TMEM255A: variants seen among roughly 807,000 people sequenced by gnomAD.
TMEM255A encodes the protein transmembrane protein 255A, also known as family with sequence similarity 70, member A.
TMEM255A carries 14 observed loss-of-function variants against 23.5 expected under a neutral mutation model. The observed-to-expected ratio is 0.60, with a 90% CI of 0.39 to 0.93. The LOEUF (loss-of-function observed/expected upper bound fraction) is 0.93, where lower values mean the gene tolerates loss of function less well. Ranked by LOEUF, TMEM255A falls within the 40% of genes least tolerant of loss-of-function variation. The probability of loss-of-function intolerance (pLI) is 0.00; values close to 1 mark genes in which losing one functional copy is unlikely to be tolerated. For missense variants in TMEM255A, 233 were observed against 261.7 expected, an observed-to-expected ratio of 0.89 and a Z score of 0.76; for synonymous variants, 104 against 100.3, an observed-to-expected ratio of 1.04 and a Z score of -0.22.
intron 1 of TMEM255A, 138 bp from the exon 2 acceptor site, chrX:120,304,629 G>T: frequency 3.3e-6 from 2 of 602,433 alleles, no homozygotes; most frequent in Non-Finnish European, 5.2e-6. Flanking sequence ...CGGGTGGGGG[G>T]TTGTGGGGAA....
chrX:120,298,905 G>GAGAGAC (rs1215969962), intron 2 of TMEM255A, among the ~76,000 whole-genome samples: 1 of 108,480 alleles, frequency 9.2e-6, no homozygotes, highest in Non-Finnish European at 1.9e-5. Flanking sequence ...GAGAGAGAGA[G>GAGAGAC]ATCAGGGAGG....
chrX:120,309,103 G>A (rs1433077497), intron 1 of TMEM255A, among the ~76,000 whole-genome samples: 1 of 112,579 alleles, frequency 8.9e-6, no homozygotes, highest in Non-Finnish European at 1.9e-5. Flanking sequence ...CGCTGATTCA[G>A]GCCCGGACTG....
rs544332772 is a variant in TMEM255A at position 120,279,614 on chromosome X, T to C, written c.513-2567A>G. ...ACACCAAGGGTGGACTAGTAGTATA[T>C]ATAGGCAGGCAGTATGCCATAGCTG... On this transcript the variant is annotated intron_variant, in intron 6 of 8. Transcript: ENST00000371369. Among the ~76,000 whole-genome samples, 22 of 112,404 alleles carry C rather than the reference T, an allele frequency of 2.0e-4. No homozygotes were observed. The South Asian group carries it at 7.9e-3, about 40-fold the overall frequency.
chrX:120,295,616 T>G (rs1480182105), intron 2 of TMEM255A, among the ~76,000 whole-genome samples: 1 of 112,064 alleles, frequency 8.9e-6, no homozygotes. Context: ...AATTAAAATA[T>G]GTTGCCATAA....
intron 7 of TMEM255A, among the ~76,000 whole-genome samples, chrX:120,274,975 C>T (rs2057786506): frequency 8.9e-6 from 1 of 111,825 alleles, no homozygotes; most frequent in Non-Finnish European, 1.9e-5. Context: ...GTCCCATCTC[C>T]TCAACTCGCC....
intron 8 of TMEM255A, among the ~76,000 whole-genome samples, chrX:120,261,889 C>G (rs981403673): frequency 4.5e-5 from 5 of 111,959 alleles, no homozygotes; most frequent in Admixed American, 1.9e-4. Context: ...GTTGCTGTAT[C>G]CTCCAGAGCT....
At position 120,260,857 on chromosome X, in the gene TMEM255A, C is replaced by T; in HGVS notation, c.*13G>A. On this transcript the variant is annotated 3_prime_UTR_variant, in exon 9 of 9. Coordinates refer to ENST00000371369, the MANE Select transcript of TMEM255A (RefSeq NM_001104544.3). ...AAGCCACAATAATCTCAATAGCCAG[C>T]AGGCATTCCTCTTTAGGGACTGTAA... The T allele has an allele frequency of 8.3e-7, 1 of 1,203,780 alleles. No individual in the cohort carries two copies. Among genetic ancestry groups the T allele is most frequent in the Non-Finnish European group, 1.1e-6 (1 of 892,546 alleles).
chrX:120,292,741 C>T (rs1556023253), intron 3 of TMEM255A, among the ~76,000 whole-genome samples: 3 of 106,618 alleles, frequency 2.8e-5, no homozygotes, highest in Non-Finnish European at 5.8e-5. Flanking sequence ...GCCTGGGCGA[C>T]AGAGCAAGAC....
intron 8 of TMEM255A, among the ~76,000 whole-genome samples, chrX:120,263,020 G>A (rs143779930): frequency 0.011 from 1,230 of 111,114 alleles, 12 homozygotes; most frequent in African/African-American, 0.038. Flanking sequence ...GGGGGAGGGG[G>A]TCATGATTCT....
At chrX:120,291,482 G>A in intron 3 of TMEM255A, 142 bp from the exon 4 acceptor site, 1 of 488,295 alleles carries the variant, frequency 2.0e-6, no homozygotes, top group Non-Finnish European at 3.5e-6. Context: ...GGTCATGCAG[G>A]ATGAGTGGAA....
downstream of TMEM255A, chrX:120,258,455 T>G (rs782087688): frequency 7.5e-5 from 9 of 120,682 alleles, no homozygotes; most frequent in Non-Finnish European, 1.5e-4. Flanking sequence ...GTTTTTATAT[T>G]GTTTTTCAAT....
rs782526637 is a variant in TMEM255A at position 120,271,253 on chromosome X, G to A, written c.676-2866C>T. Among the ~76,000 whole-genome samples the A allele has an allele frequency of 1.4e-3, 160 of 112,190 alleles. 1 individual carries two copies. Among genetic ancestry groups the A allele is most frequent in the Middle Eastern group, 9.3e-3 (2 of 216 alleles). On this transcript the variant is annotated intron_variant, in intron 7 of 8. Coordinates refer to ENST00000371369, the MANE Select transcript of TMEM255A (RefSeq NM_001104544.3). ...TAGAACCAGAAAGGGCTACCCAAAT[G>A]TTAGTCAGGGGCAGCTGGGATGAAA...
At chrX:120,301,460 C>T (rs112643011) in intron 2 of TMEM255A, among the ~76,000 whole-genome samples, 3 of 111,976 alleles carry the variant, frequency 2.7e-5, no homozygotes, top group African/African-American at 9.7e-5. Context: ...AAAGTGACCA[C>T]TTTGACAGTG....
intron 2 of TMEM255A, among the ~76,000 whole-genome samples, chrX:120,297,720 C>T (rs1556025137): frequency 9.0e-6 from 1 of 110,793 alleles, no homozygotes; most frequent in Non-Finnish European, 1.9e-5. Context: ...CTCGGGTCCC[C>T]TGAATAACAG....
intron 7 of TMEM255A, 46 bp from the exon 8 acceptor site, chrX:120,268,433 G>A: frequency 9.5e-7 from 1 of 1,053,307 alleles, no homozygotes; most frequent in Non-Finnish European, 1.3e-6. Context: ...GTCATCACTA[G>A]GAGAATGGTT....
chrX:120,285,255 A>G (rs1181177582), intron 5 of TMEM255A, 40 bp from the exon 6 acceptor site: 6 of 1,092,027 alleles, frequency 5.5e-6, no homozygotes, highest in Non-Finnish European at 7.6e-6. Context: ...CTGGCATTGG[A>G]TAGGAAGCAG....
intron 6 of TMEM255A, among the ~76,000 whole-genome samples, chrX:120,280,924 A>G (rs1341926687): frequency 8.9e-6 from 1 of 112,329 alleles, no homozygotes; most frequent in Non-Finnish European, 1.9e-5. Flanking sequence ...AAGCTTCAAT[A>G]GTGCCTTCTT....
intron 1 of TMEM255A, among the ~76,000 whole-genome samples, chrX:120,309,504 AT>A (rs782739826): frequency 1.1e-3 from 122 of 112,809 alleles, no homozygotes; most frequent in African/African-American, 3.6e-3. Context: ...CTGTGGCTTG[AT>A]TTGCAGGTGG....
At chrX:120,253,307 T>A in the TMEM255A span, 1 of 840,041 alleles carries the variant, frequency 1.2e-6, no homozygotes, top group Non-Finnish European at 1.6e-6. Flanking sequence ...GAACTTTGGT[T>A]AAAACTTGAA....
Sources: allele counts gnomAD v4.1 joint callset (sites outside exome capture counted in the v4.1 genomes callset), GRCh38; gene constraint gnomAD v4.1.1; transcripts MANE v1.5; gene names NCBI Gene and HGNC (gene_info 2026-07-23, HGNC 2026-07-21).